ITGBL1: variants seen among roughly 807,000 people sequenced by gnomAD.
ITGBL1 encodes integrin subunit beta like 1.
A neutral mutation model predicts 68.5 loss-of-function variants in ITGBL1; 51 were observed. That is an observed-to-expected ratio of 0.74 (90% CI 0.59 to 0.94). The LOEUF (loss-of-function observed/expected upper bound fraction) is 0.94, where lower values mean the gene tolerates loss of function less well. Ranked by LOEUF, ITGBL1 falls within the 40% of genes least tolerant of loss-of-function variation. ITGBL1 has a pLI of 0.00. For synonymous variants in ITGBL1, 209 were observed against 227.3 expected, an observed-to-expected ratio of 0.92 and a Z score of 0.72; for missense variants, 649 against 647.4, an observed-to-expected ratio of 1.00 and a Z score of -0.03.
intron 2 of ITGBL1, among the ~76,000 whole-genome samples, chr13:101,543,367 C>G (rs150871459): frequency 1.3e-5 from 2 of 152,056 alleles, no homozygotes. Context: ...CTTTTCTTTA[C>G]GAATGTTGAA....
chr13:101,594,937 G>T (rs2029880423), intron 6 of ITGBL1, among the ~76,000 whole-genome samples: 1 of 152,176 alleles, frequency 6.6e-6, no homozygotes. Context: ...AGCCGGGCGT[G>T]TTGACGCACA....
At chr13:101,672,876 T>C (rs2033411762) in intron 7 of ITGBL1, among the ~76,000 whole-genome samples, 1 of 152,180 alleles carries the variant, frequency 6.6e-6, no homozygotes. Flanking sequence ...CAGACAATGA[T>C]GCCACTTCAC....
At chr13:101,454,375 A>G (rs1426948148) in intron 2 of ITGBL1, among the ~76,000 whole-genome samples, 1 of 134,692 alleles carries the variant, frequency 7.4e-6, no homozygotes, top group African/African-American at 2.9e-5. Flanking sequence ...TAAAGTTGGG[A>G]TCTTGCTATG....
intron 7 of ITGBL1, among the ~76,000 whole-genome samples, chr13:101,626,930 T>C (rs1166017931): frequency 2.0e-5 from 3 of 152,166 alleles, no homozygotes; most frequent in Non-Finnish European, 2.9e-5. Context: ...TGGTATATCT[T>C]AAAAAGAGCC....
At chr13:101,489,960 T>C (rs2048752280) in intron 2 of ITGBL1, 2 of 1,508,804 alleles carry the variant, frequency 1.3e-6, no homozygotes, top group Admixed American at 3.9e-5. Flanking sequence ...TTAAACTTTG[T>C]CTCATGAACT....
chr13:101,619,171 C>A (rs1363945554), intron 7 of ITGBL1, among the ~76,000 whole-genome samples: 1 of 152,040 alleles, frequency 6.6e-6, no homozygotes, highest in African/African-American at 2.4e-5. Flanking sequence ...AATGACAGCA[C>A]AACAGGACAA....
chr13:101,492,155 A>C (rs941948128), intron 2 of ITGBL1, among the ~76,000 whole-genome samples: 3 of 152,168 alleles, frequency 2.0e-5, no homozygotes, highest in African/African-American at 7.2e-5. Flanking sequence ...CCCAGTAATG[A>C]GATTGCTGGG....
chr13:101,639,173 G>A (rs1201765294), intron 7 of ITGBL1, among the ~76,000 whole-genome samples: 1 of 152,074 alleles, frequency 6.6e-6, no homozygotes, highest in Non-Finnish European at 1.5e-5. Flanking sequence ...GTTTACATTT[G>A]GAAGATAGTA....
At chr13:101,464,875 G>A (rs2048362916) in intron 2 of ITGBL1, among the ~76,000 whole-genome samples, 1 of 152,290 alleles carries the variant, frequency 6.6e-6, no homozygotes, top group Admixed American at 6.5e-5. Context: ...TCGAAGTCAA[G>A]TCCACTTTCA....
intron 2 of ITGBL1, among the ~76,000 whole-genome samples, chr13:101,486,592 TAA>T (rs2139050816): frequency 6.6e-6 from 1 of 152,212 alleles, no homozygotes; most frequent in South Asian, 2.1e-4. Context: ...ACTGGGGAAA[TAA>T]AGACTATTTG....
intron 7 of ITGBL1, among the ~76,000 whole-genome samples, chr13:101,690,051 T>G (rs2033849176): frequency 6.6e-6 from 1 of 152,220 alleles, no homozygotes; most frequent in Admixed American, 6.5e-5. Flanking sequence ...AAAGGTTAAT[T>G]CATCTCATAG....
In ITGBL1 at chr13:101,542,570, G is replaced by A. The variant is rs2049729504; in HGVS notation, c.317-25129G>A. 2.6e-5 allele frequency among the ~76,000 whole-genome samples: 4 copies of A among 152,240 alleles called. No homozygotes were observed. In the South Asian group the frequency reaches 8.3e-4, roughly 32 times the overall value. ...GGAGAGTTCTGTAGATGTCTATTAG[G>A]TCTGTTTGATGCAGAGCTGATTTCA... On this transcript the variant is annotated intron_variant, in intron 2 of 10. Transcript: ENST00000376180.
chr13:101,632,445 C>T (rs1336929540), intron 7 of ITGBL1, among the ~76,000 whole-genome samples: 1 of 152,172 alleles, frequency 6.6e-6, no homozygotes, highest in Non-Finnish European at 1.5e-5. Context: ...AACTCTCATA[C>T]ATTGCTGTTG....
chr13:101,550,469 A>G (rs1467103459), intron 2 of ITGBL1, among the ~76,000 whole-genome samples: 1 of 152,162 alleles, frequency 6.6e-6, no homozygotes, highest in Non-Finnish European at 1.5e-5. Context: ...GTAAAACTTG[A>G]TAACTATCTC....
chr13:101,707,976 T>C (rs2034299823), intron 9 of ITGBL1, among the ~76,000 whole-genome samples: 1 of 150,128 alleles, frequency 6.7e-6, no homozygotes, highest in African/African-American at 2.5e-5. Flanking sequence ...CATGGAAACA[T>C]ATTAAAGGAA....
At chr13:101,521,185 A>G (rs1382980138) in intron 2 of ITGBL1, among the ~76,000 whole-genome samples, 2 of 152,190 alleles carry the variant, frequency 1.3e-5, no homozygotes, top group East Asian at 3.9e-4. Context: ...AATATTGGAA[A>G]GTTATTCCTC....
rs540675415 is a variant in ITGBL1 at position 101,623,221 on chromosome 13, G to A, written c.1015+24922G>A. 5.1e-4 allele frequency among the ~76,000 whole-genome samples: 77 copies of A among 151,808 alleles called. No individual in the cohort carries two copies. The South Asian group carries it at 0.014, about 28-fold the overall frequency. ...AAATATTAATATGATAATGCAATCC[G>A]AGGTTTATAATTTAGCTTGATCCCA... On this transcript the variant is annotated intron_variant, in intron 7 of 10. Transcript: ENST00000376180.
intron 7 of ITGBL1, among the ~76,000 whole-genome samples, chr13:101,656,908 T>C (rs2032942413): frequency 6.6e-6 from 1 of 152,144 alleles, no homozygotes; most frequent in African/African-American, 2.4e-5. Context: ...TTGTTTTGTT[T>C]AATTAGACTG....
At chr13:101,693,948 A>C (rs2033942740) in intron 8 of ITGBL1, among the ~76,000 whole-genome samples, 3 of 152,092 alleles carry the variant, frequency 2.0e-5, no homozygotes, top group African/African-American at 7.2e-5. Context: ...AATTCGTAAA[A>C]CATCTGCTGT....
Sources: gnomAD v4.1 joint callset for allele counts (sites outside exome capture counted in the v4.1 genomes callset) on GRCh38, gnomAD v4.1.1 for gene constraint, MANE v1.5 for transcripts, NCBI Gene and HGNC (gene_info 2026-07-23, HGNC 2026-07-21) for gene names.